The following NUP85 variants were observed in gnomAD, a reference collection of about 807,000 sequenced individuals.
The protein encoded by NUP85 is nuclear pore complex protein Nup85.
A neutral mutation model predicts 92.8 loss-of-function variants in NUP85; 23 were observed. That is an observed-to-expected ratio of 0.25 (90% confidence interval 0.18 to 0.35). The LOEUF (loss-of-function observed/expected upper bound fraction) is 0.35. NUP85 is among the 10% of genes least tolerant of loss of function. The pLI is 1.00. For synonymous variants in NUP85, 314 were observed against 306.9 expected, an observed-to-expected ratio of 1.02 and a Z score of -0.24; for missense variants, 759 against 822.8, an observed-to-expected ratio of 0.92 and a Z score of 0.95.
In NUP85 at chr17:75,227,334, T is replaced by G. The variant is rs1376635133; in HGVS notation, c.1094+1177T>G. Among the ~76,000 whole-genome samples, 1,407 of 142,582 alleles carry G rather than the reference T, an allele frequency of 9.9e-3. 67 individuals carry two copies. Among genetic ancestry groups the G allele is most frequent in the African/African-American group, 0.023 (880 of 38,324 alleles). The allele number at this position is 142,582 out of a possible 152,430, so 93.5% of individuals were successfully genotyped here. ...TGTGTGTTTGTTTCTGGGTTTTTTT[T>G]TTTTTTTTTTTTTTTTTTGAGACAG... On this transcript the variant is annotated intron_variant, in intron 11 of 18. Transcript: ENST00000245544.
intron 17 of NUP85, 121 bp downstream of exon 17, chr17:75,234,909 C>A: frequency 8.0e-7 from 1 of 1,243,394 alleles, no homozygotes; most frequent in South Asian, 1.2e-5. Flanking sequence ...CGTGTATTCC[C>A]CTTAGCGCCC....
intron 16 of NUP85, among the ~76,000 whole-genome samples, chr17:75,233,775 T>C (rs2076200765): frequency 6.6e-6 from 1 of 151,998 alleles, no homozygotes; most frequent in Admixed American, 6.5e-5. Flanking sequence ...ATTTTTTGTA[T>C]TTTTAGTAGA....
In NUP85 at chr17:75,209,832, A is replaced by T. The variant is rs773028197; in HGVS notation, c.137A>T (p.Glu46Val). 5.7e-6 allele frequency: 9 copies of T among 1,577,318 alleles called. No individual in the cohort carries two copies. The South Asian group carries it at 1.1e-4, about 19-fold the overall frequency. ...TTCTGTTTGGTTTCAGAAAAATCAG[A>T]GATGGTGCCAAGTTGCCCCTTTATC... ...ETSFNKKEKS[E>V]MVPSCPFIYI... The change falls in exon 3 of 19, where the codon GAG (glutamate) becomes GTG (valine). Residue 46 changes from glutamate to valine, a missense_variant. By Grantham distance (121) the Glu-to-Val change is moderately radical. Transcript: ENST00000245544.
chr17:75,225,041 T>C, intron 7 of NUP85, 62 bp from the exon 8 acceptor site: 1 of 1,490,810 alleles, frequency 6.7e-7, no homozygotes, highest in Non-Finnish European at 8.9e-7. Flanking sequence ...GGGACTGGCC[T>C]CCTCACGCCT....
intron 7 of NUP85, among the ~76,000 whole-genome samples, chr17:75,222,845 C>T (rs974830976): frequency 6.6e-6 from 1 of 151,762 alleles, no homozygotes; most frequent in African/African-American, 2.4e-5. Flanking sequence ...ACCATCCTGG[C>T]TAACACAGTG....
chr17:75,234,343 C>T (rs1400350979), intron 16 of NUP85, among the ~76,000 whole-genome samples: 1 of 152,232 alleles, frequency 6.6e-6, no homozygotes, highest in African/African-American at 2.4e-5. Flanking sequence ...TAGGCATGAG[C>T]CACCACGCCT....
chr17:75,232,095 G>A (rs530067806), intron 14 of NUP85, 116 bp downstream of exon 14: 24 of 1,085,738 alleles, frequency 2.2e-5, no homozygotes, highest in East Asian at 5.1e-5. Context: ...CACTGGAGAC[G>A]TGGGGCTGTG....
In NUP85 at chr17:75,234,789, G is replaced by A; in HGVS notation, c.1767+1G>A. 2 of 1,614,126 alleles carry A rather than the reference G, an allele frequency of 1.2e-6. No homozygotes were observed. Among genetic ancestry groups the A allele is most frequent in the Non-Finnish European group, 1.7e-6 (2 of 1,180,026 alleles). ...CTTGCCCCTTTTGGAACAGAAACAG[G>A]TGAAGGTTGCAGCAGCAGTGGTTTT... On this transcript the variant is annotated splice_donor_variant, in intron 17 of 18. Coordinates refer to ENST00000245544, the MANE Select transcript of NUP85 (RefSeq NM_024844.5). LOFTEE classifies it high-confidence loss of function.
In NUP85 at chr17:75,212,081, T is replaced by TGCGCGC. The variant is rs539810910; in HGVS notation, c.361+21_361+26dup. ...GTTGCAAGTAAGGACTGTGTGCGCG[T>TGCGCGC]GCGCGCGTGTGTGTGTGTGTGTGTG... is the stretch of plus-strand genomic sequence containing the variant. On this transcript the variant is annotated intron_variant, in intron 4 of 18. Coordinates refer to ENST00000245544, the MANE Select transcript of NUP85 (RefSeq NM_024844.5). The TGCGCGC allele has an allele frequency of 6.1e-6, 8 of 1,311,836 alleles. No individual in the cohort carries two copies. Among genetic ancestry groups the TGCGCGC allele is most frequent in the African/African-American group, 6.1e-5 (4 of 65,636 alleles). 81.3% of individuals were successfully genotyped at this position (1,311,836 alleles called of 1,614,324 possible). A position where few individuals can be genotyped will look rare whatever the true frequency, so the allele number is the denominator to read the frequency against.
At chr17:75,220,772 G>T (rs924856353) in intron 7 of NUP85, among the ~76,000 whole-genome samples, 3 of 147,852 alleles carry the variant, frequency 2.0e-5, no homozygotes, top group Admixed American at 6.8e-5. Flanking sequence ...GTTTTGTTTT[G>T]TTTTTTGTAT....
In NUP85 at chr17:75,231,250, G is replaced by C; in HGVS notation, c.1095-90G>C. 1 of 1,207,842 alleles carries C rather than the reference G, an allele frequency of 8.3e-7. No individual in the cohort carries two copies. The highest frequency in any genetic ancestry group is 1.2e-5 in the South Asian group (1 of 80,316). 74.8% of individuals were successfully genotyped at this position (1,207,842 alleles called of 1,614,324 possible). ...CCCGGCCCCATCTCTTTGAGGGACA[G>C]GACATGTGGGGTTTCTTGCTCACCC... On this transcript the variant is annotated intron_variant, in intron 11 of 18. Transcript: ENST00000245544. This position sits in a 1 kb window ranked among gnomAD's most constrained non-coding sequence, Gnocchi z 4.6.
At chr17:75,220,156 T>C (rs1201355411) in intron 7 of NUP85, among the ~76,000 whole-genome samples, 1 of 152,048 alleles carries the variant, frequency 6.6e-6, no homozygotes, top group Non-Finnish European at 1.5e-5. Flanking sequence ...ACAGAGTCTC[T>C]CTCTGTCACC....
At chr17:75,206,527 G>C (rs2075086262) in intron 1 of NUP85, among the ~76,000 whole-genome samples, 1 of 152,038 alleles carries the variant, frequency 6.6e-6, no homozygotes, top group Non-Finnish European at 1.5e-5. Flanking sequence ...AAAGAGGAAG[G>C]AGCTAGCAGG....
Position 75,231,672 on chromosome 17 carries a change from GTGCTCTTC to G in NUP85, c.1244+35_1244+42del. On this transcript the variant is annotated intron_variant, in intron 13 of 18. Coordinates refer to ENST00000245544, the MANE Select transcript of NUP85 (RefSeq NM_024844.5). This position sits in a 1 kb window ranked among gnomAD's most constrained non-coding sequence, Gnocchi z 4.6. ...GACCCCATGGGTGTGGGCTATGCGGGTGCTCTTCAGCATGCGGGTGCCATTGGAGCTTG... is the reference window on the plus strand; with the variant it reads ...GACCCCATGGGTGTGGGCTATGCGGGAGCATGCGGGTGCCATTGGAGCTTG... The G allele has an allele frequency of 6.4e-7, 1 of 1,568,834 alleles. No homozygotes were observed. Among genetic ancestry groups the G allele is most frequent in the Non-Finnish European group, 8.5e-7 (1 of 1,176,048 alleles).
At chr17:75,229,061 A>T in intron 11 of NUP85, 9 of 985,422 alleles carry the variant, frequency 9.1e-6, no homozygotes, top group Non-Finnish European at 1.1e-5. Context: ...GGTGCACTTC[A>T]CTGGGAGTTG....
At chr17:75,221,498 A>C (rs536511153) in intron 7 of NUP85, among the ~76,000 whole-genome samples, 9 of 152,094 alleles carry the variant, frequency 5.9e-5, no homozygotes, top group Non-Finnish European at 1.2e-4. Context: ...GGCCTCCCAA[A>C]GTATTGGGAT....
Position 75,208,523 on chromosome 17 carries a change from C to A in NUP85, c.34-4C>A. On this transcript the variant is annotated splice_polypyrimidine_tract_variant and splice_region_variant and intron_variant, in intron 1 of 18. Transcript: ENST00000245544. ...TTTTAGATTTCTATGCCTTATTTTA[C>A]TAGTTGATTCCAGGCGTGAATTCCA... 6.8e-7 allele frequency: 1 copy of A among 1,473,080 alleles called. No homozygotes were observed. The highest frequency in any genetic ancestry group is 9.5e-7 in the Non-Finnish European group (1 of 1,057,962). 91.3% of individuals were successfully genotyped at this position (1,473,080 alleles called of 1,614,324 possible). A position where few individuals can be genotyped will look rare whatever the true frequency, so the allele number is the denominator to read the frequency against.
At chr17:75,213,415 C>T (rs1279859095) in intron 5 of NUP85, among the ~76,000 whole-genome samples, 4 of 151,724 alleles carry the variant, frequency 2.6e-5, no homozygotes, top group East Asian at 1.9e-4. Context: ...CTCAGCCTCC[C>T]GAGTAGCTGG....
Position 75,235,604 on chromosome 17 carries a change from G to A in NUP85, c.1896G>A (p.Val632=). The change falls in exon 19 of 19, where the codon GTG becomes GTA. Residue 632 remains valine (V), a synonymous_variant. Coordinates refer to ENST00000245544, the MANE Select transcript of NUP85 (RefSeq NM_024844.5). ...LQDDDIETTK[V]EMLRLSLARN... ...ATGATGACATAGAGACCACCAAGGTGGAAATGCTGAGACTTTCTCTGGCAC... is the reference window on the plus strand; with the variant it reads ...ATGATGACATAGAGACCACCAAGGTAGAAATGCTGAGACTTTCTCTGGCAC... 2 of 1,614,062 alleles carry A rather than the reference G, an allele frequency of 1.2e-6. No homozygotes were observed. Among genetic ancestry groups the A allele is most frequent in the African/African-American group, 2.7e-5 (2 of 75,044 alleles).
Sources: gnomAD v4.1 joint callset for allele counts (sites outside exome capture counted in the v4.1 genomes callset) on GRCh38, gnomAD v4.1.1 for gene constraint, Gnocchi (gnomAD v3.1) non-coding constraint, MANE v1.5 for transcripts, NCBI Gene and HGNC (gene_info 2026-07-23, HGNC 2026-07-21) for gene names.